The following TNKS variants were observed in gnomAD, a reference collection of about 807,000 sequenced individuals.
TNKS encodes the protein tankyrase, also known as poly [ADP-ribose] polymerase tankyrase-1.
A neutral mutation model predicts 135.8 loss-of-function variants in TNKS; 72 were observed. The ratio of observed to expected loss-of-function variants is 0.53; its 90% CI spans 0.44 to 0.64. The LOEUF is 0.64. Ranked by LOEUF, TNKS falls within the 30% of genes least tolerant of loss-of-function variation. The pLI is 0.00. For synonymous variants in TNKS, 849 were observed against 649.3 expected (o/e 1.31, Z -4.68); for missense variants, 1,769 against 1,674.0 (o/e 1.06, Z -0.99).
At chr8:9,556,855 CTG>C (rs753681578) in intron 1 of TNKS, 24 of 583,472 alleles carry the variant, frequency 4.1e-5, no homozygotes, top group Non-Finnish European at 7.3e-5. Context: ...ACAAAACTCA[CTG>C]TAGTTGGTAG....
chr8:9,639,035 C>A (rs1254370940), intron 3 of TNKS, among the ~76,000 whole-genome samples: 2 of 152,148 alleles, frequency 1.3e-5, no homozygotes, highest in Non-Finnish European at 1.5e-5. Flanking sequence ...GTCTAACCTA[C>A]TTCTGTTATT....
chr8:9,623,556 A>G (rs1399853779), intron 3 of TNKS, among the ~76,000 whole-genome samples: 4 of 152,198 alleles, frequency 2.6e-5, no homozygotes, highest in African/African-American at 7.2e-5. Flanking sequence ...TTGCTAAGAA[A>G]TGCTAACGAA....
At chr8:9,746,818 T>C (rs1466579297) in intron 17 of TNKS, among the ~76,000 whole-genome samples, 2 of 151,832 alleles carry the variant, frequency 1.3e-5, no homozygotes, top group African/African-American at 2.4e-5. Context: ...TTTACTTTGA[T>C]GTTTTACCTC....
Position 9,615,637 on chromosome 8 carries a change from C to T in TNKS, c.954C>T (p.Ala318=), listed in dbSNP as rs373207143. The change falls in exon 3 of 27, where the codon GCC becomes GCT. Residue 318 remains alanine (A), a synonymous_variant. Transcript: ENST00000310430. Reference sequence around the variant, plus strand: ...TTCGGAACACTGATGGGAAATCAGCCCTGGACCTGGCAGATCCTTCAGCAA... The same window carrying T: ...TTCGGAACACTGATGGGAAATCAGCTCTGGACCTGGCAGATCCTTCAGCAA... The part of the protein sequence containing the change: ...PNIRNTDGKS[A]LDLADPSAKA... The T allele has an allele frequency of 7.4e-6, 12 of 1,613,434 alleles. No individual in the cohort carries two copies. The highest frequency in any genetic ancestry group is 2.7e-5 in the African/African-American group (2 of 74,886).
chr8:9,572,861 C>T (rs893786164), intron 1 of TNKS, among the ~76,000 whole-genome samples: 6 of 152,100 alleles, frequency 3.9e-5, no homozygotes, highest in South Asian at 4.2e-4. Flanking sequence ...GTCTGTTGGC[C>T]GGGAAAAACC....
intron 1 of TNKS, among the ~76,000 whole-genome samples, chr8:9,569,873 A>G (rs758509396): frequency 1.9e-4 from 28 of 146,144 alleles, no homozygotes; most frequent in Non-Finnish European, 3.3e-4. Context: ...TTAAAATTTT[A>G]TCTGTAAGCT....
chr8:9,578,287 T>C (rs533521895), intron 1 of TNKS, among the ~76,000 whole-genome samples: 3 of 152,302 alleles, frequency 2.0e-5, no homozygotes, highest in Admixed American at 2.0e-4. Context: ...GAGTAGGGCA[T>C]TGATGGTAGA....
intron 4 of TNKS, 92 bp from the exon 5 acceptor site, chr8:9,680,633 C>G: frequency 2.5e-6 from 2 of 807,540 alleles, no homozygotes; most frequent in Non-Finnish European, 4.2e-6. Flanking sequence ...TCAAAGCAAA[C>G]CCATATTTTA....
chr8:9,720,299 G>C, intron 11 of TNKS, 75 bp from the exon 12 acceptor site: 1 of 1,162,256 alleles, frequency 8.6e-7, no homozygotes, highest in South Asian at 2.0e-5. Flanking sequence ...TTTTTCATAA[G>C]AATGTATTTT....
At chr8:9,609,218 T>G (rs1799352406) in intron 2 of TNKS, among the ~76,000 whole-genome samples, 1 of 152,218 alleles carries the variant, frequency 6.6e-6, no homozygotes, top group Non-Finnish European at 1.5e-5. Flanking sequence ...CTATTTCTGC[T>G]CGTTGCAGGT....
chr8:9,725,549 T>C (rs927195076), intron 12 of TNKS, among the ~76,000 whole-genome samples: 9 of 152,176 alleles, frequency 5.9e-5, no homozygotes, highest in South Asian at 4.1e-4. Context: ...CACTTGGACA[T>C]TGGGCTCAAA....
chr8:9,608,901 G>T (rs1227027509), intron 2 of TNKS, among the ~76,000 whole-genome samples: 2 of 152,200 alleles, frequency 1.3e-5, no homozygotes, highest in Non-Finnish European at 2.9e-5. Context: ...CCTGCAGTTA[G>T]TTGCTTCATC....
At chr8:9,742,359 CT>C (rs1381482853) in intron 17 of TNKS, among the ~76,000 whole-genome samples, 2 of 147,118 alleles carry the variant, frequency 1.4e-5, no homozygotes, top group South Asian at 4.3e-4. Context: ...GTGATAATAC[CT>C]TTTTTTTGTT....
intron 11 of TNKS, among the ~76,000 whole-genome samples, chr8:9,717,644 A>T (rs1038008831): frequency 6.6e-6 from 1 of 152,118 alleles, no homozygotes; most frequent in Non-Finnish European, 1.5e-5. Context: ...CCATTTTCAA[A>T]TATCTGTTTA....
chr8:9,773,910 T>C (rs2128844046), intron 26 of TNKS, among the ~76,000 whole-genome samples: 1 of 152,328 alleles, frequency 6.6e-6, no homozygotes, highest in Admixed American at 6.5e-5. Flanking sequence ...TTTGCTAACT[T>C]TTATTTCATT....
At chr8:9,610,057 C>T (rs920887051) in intron 2 of TNKS, among the ~76,000 whole-genome samples, 1 of 152,002 alleles carries the variant, frequency 6.6e-6, no homozygotes, top group Non-Finnish European at 1.5e-5. Context: ...TGGGGTTTCA[C>T]CTTGTTAGCC....
intron 3 of TNKS, among the ~76,000 whole-genome samples, chr8:9,648,238 A>G (rs1800992090): frequency 6.6e-6 from 1 of 152,158 alleles, no homozygotes; most frequent in Admixed American, 6.5e-5. Flanking sequence ...TTCTTCAACG[A>G]TGAATTAACC....
Position 9,752,528 on chromosome 8 carries a change from T to C in TNKS, c.3071-16T>C. On this transcript the variant is annotated splice_polypyrimidine_tract_variant and intron_variant, in intron 19 of 26. Coordinates refer to ENST00000310430, the MANE Select transcript of TNKS (RefSeq NM_003747.3). ...GAGAATTCTTTCTGAGAATCTTTAA[T>C]ATGTTTCTGTTTTAGTTGCTGGTCT... 1 of 1,592,280 alleles carries C rather than the reference T, an allele frequency of 6.3e-7. No homozygotes were observed. The highest frequency in any genetic ancestry group is 1.1e-5 in the South Asian group (1 of 89,694).
At chr8:9,703,441 T>C (rs552161696) in intron 5 of TNKS, among the ~76,000 whole-genome samples, 1 of 152,214 alleles carries the variant, frequency 6.6e-6, no homozygotes, top group African/African-American at 2.4e-5. Flanking sequence ...ATTTTATACA[T>C]GAAGAAGCTG....
Sources: gnomAD v4.1 joint callset for allele counts (sites outside exome capture counted in the v4.1 genomes callset) on GRCh38, gnomAD v4.1.1 for gene constraint, MANE v1.5 for transcripts, NCBI Gene and HGNC (gene_info 2026-07-23, HGNC 2026-07-21) for gene names.